The following DNA2 variants were observed in gnomAD, a reference collection of about 807,000 sequenced individuals.
DNA2 encodes DNA replication ATP-dependent helicase/nuclease DNA2.
A neutral mutation model predicts 119.1 loss-of-function variants in DNA2; 101 were observed. The observed-to-expected ratio is 0.85, with a 90% CI of 0.72 to 1.00. The LOEUF (loss-of-function observed/expected upper bound fraction) is 1.00, where lower values mean the gene tolerates loss of function less well. DNA2 is among the 50% of genes least tolerant of loss of function. The probability of loss-of-function intolerance (pLI) is 0.00; values close to 1 mark genes in which losing one functional copy is unlikely to be tolerated. For synonymous variants in DNA2, 366 were observed against 424.4 expected (o/e 0.86, Z 1.69); for missense variants, 1,121 against 1,255.5 (o/e 0.89, Z 1.62).
intron 1 of DNA2, 86 bp downstream of exon 1, chr10:68,471,705 G>C (rs1006073341): frequency 6.9e-7 from 1 of 1,455,938 alleles, no homozygotes; most frequent in Non-Finnish European, 9.1e-7. Flanking sequence ...GGCCCGGTCA[G>C]TCTGAGGCGG....
intron 5 of DNA2, among the ~76,000 whole-genome samples, chr10:68,456,570 C>T (rs1355155723): frequency 1.1e-4 from 16 of 151,932 alleles, no homozygotes; most frequent in African/African-American, 3.4e-4. Context: ...CCCACCACCA[C>T]GCCTGGCTAA....
chr10:68,414,068 T>C lies in DNA2; in HGVS notation c.*971A>G. The C allele has an allele frequency of 6.6e-6, 1 of 151,172 alleles. No individual in the cohort carries two copies. Among genetic ancestry groups the C allele is most frequent in the South Asian group, 2.1e-4 (1 of 4,794 alleles). 9.4% of individuals were successfully genotyped at this position (151,172 alleles called of 1,614,324 possible). A position where few individuals can be genotyped will look rare whatever the true frequency, so the allele number is the denominator to read the frequency against. Reference sequence around the variant, plus strand: ...TAATAATTGACACAGTTAAGATCCATTAGTAGAAAAAATTTATTAAATAAA... The same window carrying C: ...TAATAATTGACACAGTTAAGATCCACTAGTAGAAAAAATTTATTAAATAAA... On this transcript the variant is annotated 3_prime_UTR_variant, in exon 21 of 21. Transcript: ENST00000358410.
Position 68,450,047 on chromosome 10 carries a change from G to T in DNA2, c.920C>A (p.Ser307Tyr). 1 of 1,587,898 alleles carries T rather than the reference G, an allele frequency of 6.3e-7. No homozygotes were observed. Among genetic ancestry groups the T allele is most frequent in the Non-Finnish European group, 8.6e-7 (1 of 1,164,772 alleles). Residue 307 changes from serine (S) to tyrosine (Y), a missense_variant, in exon 6 of 21, where the codon TCT becomes TAT. Transcript: ENST00000358410. ...LELKTGKESN[S>Y]IEHRSQVVLY... ...TTATACCTGACTACGGTGTTCAATA[G>T]AATTTGATTCTTTGCCAGTTTTAAG...
Position 68,468,183 on chromosome 10 carries a change from G to A in DNA2, c.381C>T (p.Gly127=), listed in dbSNP as rs752545938. The change falls in exon 3 of 21, where the codon GGC becomes GGT. Residue 127 remains glycine (G), a synonymous_variant. Transcript: ENST00000358410. ...ATCGAATACTACTGGCTATGCTGGTGCCAGAAATCAGCATGTCTGGATACA... is the reference window on the plus strand; with the variant it reads ...ATCGAATACTACTGGCTATGCTGGTACCAGAAATCAGCATGTCTGGATACA... ...LILYPDMLIS[G]TSIASSIRCM... The A allele has an allele frequency of 2.5e-6, 4 of 1,610,952 alleles. No homozygotes were observed. The highest frequency in any genetic ancestry group is 2.7e-5 in the African/African-American group (2 of 74,858).
At chr10:68,440,248 G>A (rs2051950273) in intron 9 of DNA2, among the ~76,000 whole-genome samples, 1 of 152,164 alleles carries the variant, frequency 6.6e-6, no homozygotes, top group Non-Finnish European at 1.5e-5. Flanking sequence ...AGGTTGCAGT[G>A]GGTCAAGACA....
chr10:68,447,608 G>A (rs1266728334), intron 6 of DNA2, among the ~76,000 whole-genome samples: 1 of 150,740 alleles, frequency 6.6e-6, no homozygotes, highest in Non-Finnish European at 1.5e-5. Context: ...AGGATTGATT[G>A]ACCCTGGGAA....
At chr10:68,441,054 A>G (rs1300794400) in intron 9 of DNA2, among the ~76,000 whole-genome samples, 1 of 151,934 alleles carries the variant, frequency 6.6e-6, no homozygotes, top group Non-Finnish European at 1.5e-5. Flanking sequence ...AAAATTAGCC[A>G]TGGCACAGTG....
At chr10:68,445,172 A>G in intron 7 of DNA2, 89 bp from the exon 8 acceptor site, 3 of 1,277,312 alleles carry the variant, frequency 2.3e-6, no homozygotes, top group Admixed American at 4.8e-5. Context: ...GCAGATTTAA[A>G]AACATTTTAG....
chr10:68,446,654 A>G (rs2052044066), intron 6 of DNA2, among the ~76,000 whole-genome samples: 1 of 152,170 alleles, frequency 6.6e-6, no homozygotes, highest in African/African-American at 2.4e-5. Flanking sequence ...AGGCAGGCAG[A>G]TCGCTTGAGC....
chr10:68,419,832 T>G lies in DNA2; in HGVS notation c.2758A>C (p.Ile920Leu). Residue 920 changes from isoleucine (I) to leucine (L), a missense_variant, in exon 18 of 21, where the codon ATA (isoleucine) becomes CTA (leucine). Coordinates refer to ENST00000358410, the MANE Select transcript of DNA2 (RefSeq NM_001080449.3). Reference protein sequence around the residue: ...GVSNVTEAKLIVFLTSIFVKA... With the variant: ...GVSNVTEAKLLVFLTSIFVKA... ...ACAAAAATGGAGGTTAGGAAAACTA[T>G]GAGTTTGGCTTCTGTTACATTGCTC... 2.5e-6 allele frequency: 4 copies of G among 1,613,796 alleles called. No homozygotes were observed. Among genetic ancestry groups the G allele is most frequent in the Non-Finnish European group, 3.4e-6 (4 of 1,179,798 alleles).
At chr10:68,472,047 C>T (rs764196218), upstream of DNA2, 19 of 1,602,422 alleles carry the variant, frequency 1.2e-5, no homozygotes, top group Non-Finnish European at 1.5e-5. Flanking sequence ...CACGTGGGGC[C>T]CCTCACCTGA....
chr10:68,432,147 T>C lies in DNA2; in HGVS notation c.1873+59A>G, dbSNP rs1459537560. ...GTCTAATCAAGATATTAGACTACAG[T>C]ATAAATCAAATAGAAACAAGAAAAA... On this transcript the variant is annotated intron_variant, in intron 12 of 20. Transcript: ENST00000358410. 15 of 1,270,202 alleles carry C rather than the reference T, an allele frequency of 1.2e-5. No homozygotes were observed. In the Admixed American group the frequency reaches 3.3e-4, roughly 28 times the overall value. The allele number at this position is 1,270,202 out of a possible 1,614,324, so 78.7% of individuals were successfully genotyped here. A position where few individuals can be genotyped will look rare whatever the true frequency, so the allele number is the denominator to read the frequency against.
At chr10:68,451,189 G>A (rs2052113306) in intron 5 of DNA2, among the ~76,000 whole-genome samples, 1 of 151,804 alleles carries the variant, frequency 6.6e-6, no homozygotes, top group Non-Finnish European at 1.5e-5. Context: ...ATCCCCAGGT[G>A]ACAATCTTCA....
At chr10:68,415,432 A>G (rs980631917) in intron 20 of DNA2, among the ~76,000 whole-genome samples, 2 of 151,952 alleles carry the variant, frequency 1.3e-5, no homozygotes, top group Non-Finnish European at 2.9e-5. Flanking sequence ...ATGTGCCACC[A>G]TGCCCGGCTA....
chr10:68,446,286 A>C lies in DNA2; in HGVS notation c.1057+10T>G, dbSNP rs753890300. On this transcript the variant is annotated intron_variant, in intron 7 of 20. Coordinates refer to ENST00000358410, the MANE Select transcript of DNA2 (RefSeq NM_001080449.3). ...GCAAAGAAGTAAAACTAAAAAAAAA[A>C]CGGCTCAACCTCTTTTATCTAGATG... 1.3e-6 allele frequency: 2 copies of C among 1,500,152 alleles called. No homozygotes were observed. The highest frequency in any genetic ancestry group is 1.4e-5 in the African/African-American group (1 of 69,860). 92.9% of individuals were successfully genotyped at this position (1,500,152 alleles called of 1,614,324 possible).
intron 5 of DNA2, among the ~76,000 whole-genome samples, chr10:68,456,796 G>A (rs2052187768): frequency 6.6e-6 from 1 of 151,370 alleles, no homozygotes; most frequent in South Asian, 2.1e-4. Flanking sequence ...AGTATACATG[G>A]AAGTCGTGCC....
intron 8 of DNA2, 77 bp from the exon 9 acceptor site, chr10:68,443,188 T>C (rs2051993702): frequency 2.1e-5 from 25 of 1,192,858 alleles, no homozygotes; most frequent in Non-Finnish European, 2.9e-5. Flanking sequence ...AATTCCAAAA[T>C]AAGAACACAT....
At chr10:68,425,082 A>G in intron 14 of DNA2, 1 of 301,006 alleles carries the variant, frequency 3.3e-6, no homozygotes, top group South Asian at 3.5e-5. Flanking sequence ...TGTCTCTGGA[A>G]CATTTCTTTT....
chr10:68,436,637 T>C lies in DNA2; in HGVS notation c.1646+374A>G, dbSNP rs1440836082. Among the ~76,000 whole-genome samples, 10 of 152,330 alleles carry C rather than the reference T, an allele frequency of 6.6e-5. No individual in the cohort carries two copies. In the East Asian group the frequency reaches 1.7e-3, roughly 26 times the overall value. On this transcript the variant is annotated intron_variant, in intron 10 of 20. Coordinates refer to ENST00000358410, the MANE Select transcript of DNA2 (RefSeq NM_001080449.3). ...AAGAATGAAATGCTGATACATGTTA[T>C]AACATGAAGATGAATTTCAAAAACA...
Sources: gnomAD v4.1 joint callset for allele counts (sites outside exome capture counted in the v4.1 genomes callset) on GRCh38, gnomAD v4.1.1 for gene constraint, MANE v1.5 for transcripts, NCBI Gene and HGNC (gene_info 2026-07-23, HGNC 2026-07-21) for gene names.